TENM2: variants seen among roughly 807,000 people sequenced by gnomAD.
The protein encoded by TENM2 is teneurin transmembrane protein 2.
TENM2 carries 52 observed loss-of-function variants against 245.2 expected under a neutral mutation model. The ratio of observed to expected loss-of-function variants is 0.21; its 90% CI spans 0.17 to 0.27. The LOEUF (loss-of-function observed/expected upper bound fraction) is 0.27. Ranked by LOEUF, TENM2 falls within the 10% of genes least tolerant of loss-of-function variation. TENM2 has a pLI of 1.00. For synonymous variants in TENM2, 1,363 were observed against 1,438.9 expected (o/e 0.95, Z 1.19); for missense variants, 3,046 against 3,666.8 (o/e 0.83, Z 4.37).
chr5:168,114,281 G>A (rs1285605358), intron 9 of TENM2, among the ~76,000 whole-genome samples: 1 of 152,146 alleles, frequency 6.6e-6, no homozygotes, highest in African/African-American at 2.4e-5. Context: ...CAGCTGGTAA[G>A]GTACAGGTTT....
the TENM2 span, among the ~76,000 whole-genome samples, chr5:167,028,009 G>C: frequency 4.1e-5 from 6 of 144,838 alleles, no homozygotes; most frequent in South Asian, 4.4e-4. Context: ...GGCAGAGGTT[G>C]TGGTGAGCTG....
intron 23 of TENM2, among the ~76,000 whole-genome samples, chr5:168,221,981 T>G (rs1197636275): frequency 6.6e-6 from 1 of 152,208 alleles, no homozygotes; most frequent in Non-Finnish European, 1.5e-5. Flanking sequence ...GCTAATCCAC[T>G]GAGATAATAC....
intron 2 of TENM2, among the ~76,000 whole-genome samples, chr5:167,395,352 C>T (rs1761993652): frequency 6.6e-6 from 1 of 152,078 alleles, no homozygotes; most frequent in African/African-American, 2.4e-5. Flanking sequence ...TGCAACTTTA[C>T]TGAATGGTTT....
chr5:168,089,320 A>AT (rs1185562167), intron 7 of TENM2, among the ~76,000 whole-genome samples: 1 of 151,862 alleles, frequency 6.6e-6, no homozygotes, highest in East Asian at 1.9e-4. Flanking sequence ...TCCTACTTTC[A>AT]TTTTTTCTCC....
rs189186905 is a variant in TENM2, at chr5:167,788,910, A to G, written c.503-87076A>G. ...CCTAGATGCAGGTACTAGGAAAGTG[A>G]GTCCTAATAGCAACTCTTCAAAATG... is the stretch of plus-strand genomic sequence containing the variant. On this transcript the variant is annotated intron_variant, in intron 2 of 28. Coordinates refer to ENST00000518659, the Ensembl canonical transcript of TENM2. Among the ~76,000 whole-genome samples the G allele has an allele frequency of 1.7e-3, 262 of 152,284 alleles. 2 individuals carry two copies. The highest frequency in any genetic ancestry group is 5.9e-3 in the African/African-American group (247 of 41,572).
intron 23 of TENM2, among the ~76,000 whole-genome samples, chr5:168,224,986 C>A (rs971913854): frequency 6.6e-6 from 1 of 152,082 alleles, no homozygotes; most frequent in Non-Finnish European, 1.5e-5. Context: ...GAAAACTCCA[C>A]GGTGTGAGAA....
intron 2 of TENM2, among the ~76,000 whole-genome samples, chr5:167,845,353 G>T (rs1583169383): frequency 6.6e-6 from 1 of 151,028 alleles, no homozygotes; most frequent in South Asian, 2.1e-4. Flanking sequence ...GAATGGAAAG[G>T]TCTTTATTTT....
chr5:168,080,748 A>G (rs1360804121), intron 7 of TENM2, among the ~76,000 whole-genome samples: 3 of 152,086 alleles, frequency 2.0e-5, no homozygotes, highest in Non-Finnish European at 4.4e-5. Flanking sequence ...ATTCTGAGTG[A>G]GTTTCTTAAT....
At chr5:168,010,802 G>A (rs1305652111) in intron 5 of TENM2, among the ~76,000 whole-genome samples, 1 of 152,226 alleles carries the variant, frequency 6.6e-6, no homozygotes, top group African/African-American at 2.4e-5. Flanking sequence ...ATGAGCAGGG[G>A]CTTGGCAAGC....
chr5:167,488,984 C>T (rs187018581), intron 2 of TENM2, among the ~76,000 whole-genome samples: 78 of 152,220 alleles, frequency 5.1e-4, no homozygotes, highest in African/African-American at 1.2e-3. Context: ...CAATTCTCTC[C>T]GTTATTATGT....
At chr5:168,117,550 CAT>C (rs960327356) in intron 9 of TENM2, among the ~76,000 whole-genome samples, 3 of 152,174 alleles carry the variant, frequency 2.0e-5, no homozygotes, top group African/African-American at 7.2e-5. Flanking sequence ...GTAGCTGTAA[CAT>C]AAATTATGTG....
chr5:167,364,534 C>T (rs576222561), intron 1 of TENM2, among the ~76,000 whole-genome samples: 1 of 151,794 alleles, frequency 6.6e-6, no homozygotes, highest in East Asian at 1.9e-4. Context: ...AATAACAAGA[C>T]CTAATTATAT....
intron 4 of TENM2, among the ~76,000 whole-genome samples, chr5:167,968,759 T>C (rs7709317): frequency 0.21 from 32,632 of 151,976 alleles, 3,706 homozygotes; most frequent in Non-Finnish European, 0.26. Context: ...GGACATGTAA[T>C]GAGAAGGCAC....
At chr5:167,056,555 ATATCTATATAAATATG>A in the TENM2 span, among the ~76,000 whole-genome samples, 2 of 145,026 alleles carry the variant, frequency 1.4e-5, no homozygotes, top group African/African-American at 5.1e-5. Context: ...ATATAAATAT[ATATCTATATAAATATG>A]TATCTATATA....
chr5:167,396,200 G>A (rs781477681), intron 2 of TENM2, among the ~76,000 whole-genome samples: 3 of 152,052 alleles, frequency 2.0e-5, no homozygotes, highest in Non-Finnish European at 4.4e-5. Flanking sequence ...CAAGATGTGG[G>A]GAGAACTTAA....
intron 2 of TENM2, among the ~76,000 whole-genome samples, chr5:167,459,959 T>A (rs1766194676): frequency 6.7e-6 from 1 of 149,050 alleles, no homozygotes; most frequent in Non-Finnish European, 1.5e-5. Context: ...CAACACACAC[T>A]CAAACGCATA....
intron 1 of TENM2, among the ~76,000 whole-genome samples, chr5:167,365,408 GAAAT>G (rs1759986960): frequency 6.6e-6 from 1 of 150,626 alleles, no homozygotes; most frequent in Non-Finnish European, 1.5e-5. Context: ...AAATTAAGTA[GAAAT>G]AAATAAGATA....
chr5:167,954,045 A>G (rs1780334814), intron 4 of TENM2, among the ~76,000 whole-genome samples: 1 of 152,144 alleles, frequency 6.6e-6, no homozygotes, highest in Non-Finnish European at 1.5e-5. Context: ...CCTTGATCTC[A>G]ACATTAGTTT....
At chr5:167,928,315 A>G (rs148670308) in intron 3 of TENM2, among the ~76,000 whole-genome samples, 191 of 152,306 alleles carry the variant, frequency 1.3e-3, no homozygotes, top group African/African-American at 3.3e-3. Flanking sequence ...CCAAGTCTTA[A>G]TAGGACATTG....
Sources: allele counts gnomAD v4.1 joint callset (sites outside exome capture counted in the v4.1 genomes callset), GRCh38; gene constraint gnomAD v4.1.1; transcripts MANE v1.5; gene names NCBI Gene and HGNC (gene_info 2026-07-23, HGNC 2026-07-21).